The following DNAH3 variants were observed in gnomAD, a reference collection of about 807,000 sequenced individuals.
DNAH3 encodes the protein axonemal beta dynein heavy chain 3.
In DNAH3, 332 loss-of-function variants were observed where a neutral mutation model predicts 432.5. The ratio of observed to expected loss-of-function variants is 0.77; its 90% CI spans 0.70 to 0.84. DNAH3 has a LOEUF of 0.84. Among genes scored for constraint, DNAH3 ranks in the 40% least tolerant of loss-of-function variants. The pLI, the probability that DNAH3 is intolerant of heterozygous loss-of-function variation, is 0.00. For synonymous variants in DNAH3, 1,956 were observed against 1,900.2 expected (o/e 1.03, Z -0.76); for missense variants, 4,861 against 5,114.0 (o/e 0.95, Z 1.51).
intron 40 of DNAH3, among the ~76,000 whole-genome samples, chr16:21,021,712 C>T (rs1421021926): frequency 6.6e-6 from 1 of 151,996 alleles, no homozygotes; most frequent in Non-Finnish European, 1.5e-5. Flanking sequence ...GAGTTCAACA[C>T]CAGCCTGGTC....
chr16:20,970,293 C>A (rs896978250), intron 51 of DNAH3, among the ~76,000 whole-genome samples: 1 of 152,254 alleles, frequency 6.6e-6, no homozygotes, highest in East Asian at 1.9e-4. Flanking sequence ...GGGAGGCCAA[C>A]GTGGTGGATC....
intron 16 of DNAH3, among the ~76,000 whole-genome samples, chr16:21,100,099 T>C (rs1011948062): frequency 6.6e-6 from 1 of 152,032 alleles, no homozygotes; most frequent in Non-Finnish European, 1.5e-5. Context: ...TCTCTCTCTC[T>C]CTCTTTATCT....
At chr16:20,963,648 G>A in exon 53 of DNAH3, 1 of 1,614,014 alleles carries the variant, frequency 6.2e-7, no homozygotes, top group Non-Finnish European at 8.5e-7. Context: ...ACAGCCATTG[G>A]GGAGCTGGAT....
exon 25 of DNAH3, chr16:21,062,641 G>T (rs1272075904): frequency 1.2e-6 from 2 of 1,613,778 alleles, no homozygotes; most frequent in Non-Finnish European, 1.7e-6. Flanking sequence ...CCTTTGTCTC[G>T]GACAAGATTT....
At chr16:21,135,785 T>A (rs28446290) in intron 6 of DNAH3, among the ~76,000 whole-genome samples, 36,386 of 150,978 alleles carry the variant, frequency 0.24, 4,473 homozygotes, top group East Asian at 0.31. Flanking sequence ...ATGTCTATAA[T>A]CCCAGCACTT....
exon 43 of DNAH3, chr16:21,000,420 G>A (rs2086963274): frequency 6.2e-7 from 1 of 1,614,134 alleles, no homozygotes; most frequent in Non-Finnish European, 8.5e-7. Context: ...CAGTGCCTGT[G>A]GGACCCACGA....
exon 48 of DNAH3, chr16:20,985,613 C>G: frequency 6.2e-7 from 1 of 1,614,156 alleles, no homozygotes; most frequent in Non-Finnish European, 8.5e-7. Flanking sequence ...GTGATCTCAT[C>G]GTAGATTTTT....
rs74760843 is a variant in DNAH3, at chr16:21,002,884, A to G, written c.6126+220T>C. Among the ~76,000 whole-genome samples, 465 of 151,950 alleles carry G rather than the reference A, an allele frequency of 3.1e-3. 6 individuals carry two copies. Among genetic ancestry groups the G allele is most frequent in the African/African-American group, 0.011 (450 of 41,436 alleles). The stretch of plus-strand genomic sequence containing the variant: ...CTCTGCAACCATAAATGTTCCCCCC[A>G]CCGCCATTTTTTGGTTGAGTAAATT... On this transcript the variant is annotated intron_variant, in intron 42 of 61. Coordinates refer to ENST00000261383, the Ensembl canonical transcript of DNAH3.
chr16:21,145,618 C>A (rs957986567), intron 2 of DNAH3, among the ~76,000 whole-genome samples: 1 of 152,228 alleles, frequency 6.6e-6, no homozygotes, highest in Non-Finnish European at 1.5e-5. Context: ...TAATAGCTTG[C>A]ATTCACCAGT....
intron 54 of DNAH3, among the ~76,000 whole-genome samples, chr16:20,955,709 T>A (rs193092853): frequency 6.6e-6 from 1 of 152,264 alleles, no homozygotes; most frequent in East Asian, 1.9e-4. Context: ...AGTTTGCTGA[T>A]GCCTGTCATA....
exon 25 of DNAH3, chr16:21,062,647 G>A: frequency 6.2e-7 from 1 of 1,613,858 alleles, no homozygotes; most frequent in Non-Finnish European, 8.5e-7. Flanking sequence ...TCTCGGACAA[G>A]ATTTCCAGCA....
At chr16:20,964,990 A>C (rs1384700444) in exon 53 of DNAH3, 1 of 1,613,800 alleles carries the variant, frequency 6.2e-7, no homozygotes. Flanking sequence ...CTCTGCCCTG[A>C]CCAGCTTTTG....
chr16:21,000,399 G>A, exon 43 of DNAH3: 1 of 1,614,132 alleles, frequency 6.2e-7, no homozygotes, highest in Non-Finnish European at 8.5e-7. Flanking sequence ...TGTTGGTGAT[G>A]GCTGATTTGC....
At chr16:20,991,438 A>G (rs1200132061) in intron 44 of DNAH3, among the ~76,000 whole-genome samples, 1 of 151,752 alleles carries the variant, frequency 6.6e-6, no homozygotes, top group Non-Finnish European at 1.5e-5. Flanking sequence ...TAATTTTTGT[A>G]TTTTTAGTAG....
chr16:21,063,656 C>A (rs2090444506), intron 24 of DNAH3, among the ~76,000 whole-genome samples: 1 of 152,008 alleles, frequency 6.6e-6, no homozygotes, highest in Non-Finnish European at 1.5e-5. Flanking sequence ...AATTCTCCCA[C>A]CTCAGCCTCC....
At chr16:20,940,735 T>G (rs1338861851) in intron 59 of DNAH3, among the ~76,000 whole-genome samples, 1 of 151,828 alleles carries the variant, frequency 6.6e-6, no homozygotes, top group Non-Finnish European at 1.5e-5. Flanking sequence ...CCCAGCCCTA[T>G]TACAGACTTT....
chr16:21,083,531 G>T (rs376962715), intron 19 of DNAH3, among the ~76,000 whole-genome samples: 2,345 of 152,284 alleles, frequency 0.015, 59 homozygotes, highest in African/African-American at 0.052. Flanking sequence ...CATTTCGTTT[G>T]AAACCACAGT....
chr16:21,004,811 T>C (rs1452875131), intron 41 of DNAH3, among the ~76,000 whole-genome samples: 3 of 151,934 alleles, frequency 2.0e-5, no homozygotes, highest in African/African-American at 7.2e-5. Context: ...ACCATTTCAA[T>C]TGTGAATACA....
At chr16:20,956,240 C>T (rs979685788) in intron 54 of DNAH3, among the ~76,000 whole-genome samples, 5 of 152,116 alleles carry the variant, frequency 3.3e-5, no homozygotes, top group African/African-American at 4.8e-5. Context: ...GAGTTGCTAA[C>T]GTTTAAAAAC....
Sources: allele counts gnomAD v4.1 joint callset (sites outside exome capture counted in the v4.1 genomes callset), GRCh38; gene constraint gnomAD v4.1.1; transcripts MANE v1.5; gene names NCBI Gene and HGNC (gene_info 2026-07-23, HGNC 2026-07-21).